Variants in PRKCA observed in about 807,000 individuals in gnomAD.
PRKCA encodes the protein protein kinase C alpha, also known as protein kinase C alpha type.
PRKCA carries 27 observed loss-of-function variants against 87.0 expected under a neutral mutation model. The ratio of observed to expected loss-of-function variants is 0.31; its 90% CI spans 0.23 to 0.43. PRKCA has a LOEUF of 0.43. PRKCA is among the 20% of genes least tolerant of loss of function. The pLI, the probability that PRKCA is intolerant of heterozygous loss-of-function variation, is 1.00. For missense variants in PRKCA, 518 were observed against 852.3 expected (o/e 0.61, Z 4.88); for synonymous variants, 329 against 311.1 (o/e 1.06, Z -0.61).
intron 2 of PRKCA, among the ~76,000 whole-genome samples, chr17:66,314,455 GATGGA>G (rs1437039101): frequency 6.6e-6 from 1 of 152,138 alleles, no homozygotes; most frequent in East Asian, 1.9e-4. Context: ...TTCTATCAAG[GATGGA>G]ATGGAAGGGA....
intron 3 of PRKCA, among the ~76,000 whole-genome samples, chr17:66,537,551 C>T (rs1244523503): frequency 6.6e-6 from 1 of 152,110 alleles, no homozygotes; most frequent in Non-Finnish European, 1.5e-5. Context: ...CTCTGTCATC[C>T]GAATGCCGTG....
At chr17:66,465,472 G>A (rs540399467) in intron 2 of PRKCA, among the ~76,000 whole-genome samples, 2 of 152,170 alleles carry the variant, frequency 1.3e-5, no homozygotes, top group East Asian at 1.9e-4. Flanking sequence ...GTTCACAGCA[G>A]CCTCAAACTC....
intron 8 of PRKCA, among the ~76,000 whole-genome samples, chr17:66,699,683 C>T (rs955742249): frequency 1.3e-5 from 2 of 152,224 alleles, no homozygotes; most frequent in Non-Finnish European, 2.9e-5. Flanking sequence ...AACTCCTGGG[C>T]TCAAGCAATC....
At chr17:66,511,071 T>C (rs1917207659) in intron 3 of PRKCA, among the ~76,000 whole-genome samples, 1 of 151,456 alleles carries the variant, frequency 6.6e-6, no homozygotes, top group Non-Finnish European at 1.5e-5. Flanking sequence ...TTTTTTTTCG[T>C]GTCATAAAAC....
chr17:66,476,275 A>T (rs1349535413), intron 2 of PRKCA, among the ~76,000 whole-genome samples: 1 of 152,164 alleles, frequency 6.6e-6, no homozygotes, highest in Non-Finnish European at 1.5e-5. Flanking sequence ...ACGTGGTCAC[A>T]CTTTGAGGGC....
chr17:66,520,227 T>C (rs1967113516), intron 3 of PRKCA, among the ~76,000 whole-genome samples: 1 of 151,668 alleles, frequency 6.6e-6, no homozygotes, highest in East Asian at 1.9e-4. Context: ...TTCAAGCAAT[T>C]CTCCTGCCTC....
At chr17:66,312,157 T>G (rs4335805) in intron 2 of PRKCA, among the ~76,000 whole-genome samples, 90,863 of 151,986 alleles carry the variant, frequency 0.6, 27,302 homozygotes, top group African/African-American at 0.65. Context: ...AATTTTTGTA[T>G]TTTTAGTAGA....
intron 2 of PRKCA, among the ~76,000 whole-genome samples, chr17:66,474,112 T>G (rs1335451468): frequency 6.6e-6 from 1 of 152,192 alleles, no homozygotes; most frequent in Non-Finnish European, 1.5e-5. Context: ...TTATGAAGAC[T>G]ATTACTCTTA....
intron 2 of PRKCA, among the ~76,000 whole-genome samples, chr17:66,393,841 A>G (rs990817650): frequency 6.6e-6 from 1 of 152,108 alleles, no homozygotes; most frequent in Admixed American, 6.6e-5. Flanking sequence ...TCGGAAGCCA[A>G]CGTGGGCAGA....
chr17:66,608,040 GCATCCA>G (rs1894126723), intron 3 of PRKCA, among the ~76,000 whole-genome samples: 1 of 152,134 alleles, frequency 6.6e-6, no homozygotes, highest in Non-Finnish European at 1.5e-5. Flanking sequence ...GCTGATTATT[GCATCCA>G]GAGGTTGGCC....
chr17:66,512,464 G>GTGTGTA (rs1491030439), intron 3 of PRKCA, among the ~76,000 whole-genome samples: 1 of 50,418 alleles, frequency 2.0e-5, no homozygotes. Context: ...AAAAGTGTGT[G>GTGTGTA]TGTGTGTGTG....
At chr17:66,781,868 G>GAGAGATATATATAT (rs1491546533) in intron 14 of PRKCA, among the ~76,000 whole-genome samples, 1,153 of 98,926 alleles carry the variant, frequency 0.012, 28 homozygotes, top group African/African-American at 0.042. Context: ...GAGAGAGAGA[G>GAGAGATATATATAT]ATATATATAT....
chr17:66,765,418 CTATATATATATATATATATATATATATA>C (rs58356468), intron 13 of PRKCA, among the ~76,000 whole-genome samples: 6 of 49,310 alleles, frequency 1.2e-4, no homozygotes, highest in Admixed American at 5.2e-4. Flanking sequence ...AAGACTTTGT[CTATATATATATATATATATATATATATA>C]TATATATATC....
At chr17:66,356,601 G>A (rs1320593811) in intron 2 of PRKCA, among the ~76,000 whole-genome samples, 1 of 152,144 alleles carries the variant, frequency 6.6e-6, no homozygotes, top group Non-Finnish European at 1.5e-5. Context: ...TCCAACCTGG[G>A]TGACAGAGTG....
intron 8 of PRKCA, among the ~76,000 whole-genome samples, chr17:66,695,011 A>C (rs1972881369): frequency 2.0e-5 from 3 of 152,058 alleles, no homozygotes. Context: ...GGGGAAGGGG[A>C]AAGGTGAGGG....
chr17:66,656,697 C>G (rs569859072), intron 5 of PRKCA, among the ~76,000 whole-genome samples: 4 of 152,198 alleles, frequency 2.6e-5, no homozygotes, highest in East Asian at 3.9e-4. Flanking sequence ...GATAAATGCT[C>G]CTTTTGTTTC....
At chr17:66,684,578 A>C (rs949035226) in intron 5 of PRKCA, among the ~76,000 whole-genome samples, 3 of 152,250 alleles carry the variant, frequency 2.0e-5, no homozygotes, top group East Asian at 1.9e-4. Context: ...TTTATTTTCA[A>C]CTTAAATGGT....
chr17:66,360,422 G>A (rs1908318967), intron 2 of PRKCA, among the ~76,000 whole-genome samples: 1 of 152,182 alleles, frequency 6.6e-6, no homozygotes, highest in Non-Finnish European at 1.5e-5. Flanking sequence ...TTTCTCATAG[G>A]CATTGCCACA....
At chr17:66,793,075 G>C (rs1184324954) in intron 16 of PRKCA, among the ~76,000 whole-genome samples, 2 of 152,184 alleles carry the variant, frequency 1.3e-5, no homozygotes, top group Non-Finnish European at 2.9e-5. Context: ...GTGAGCCCTG[G>C]ACACAGGCAG....
Sources: gnomAD v4.1 joint callset for allele counts (sites outside exome capture counted in the v4.1 genomes callset) on GRCh38, gnomAD v4.1.1 for gene constraint, MANE v1.5 for transcripts, NCBI Gene and HGNC (gene_info 2026-07-23, HGNC 2026-07-21) for gene names.